SHCBP1L: variants seen among roughly 807,000 people sequenced by gnomAD.
The protein encoded by SHCBP1L is testicular spindle-associated protein SHCBP1L.
SHCBP1L carries 67 observed loss-of-function variants against 62.5 expected under a neutral mutation model. The ratio of observed to expected loss-of-function variants is 1.07; its 90% CI spans 0.88 to 1.31. The LOEUF is 1.31. SHCBP1L is among the 40% of genes most tolerant of loss of function. SHCBP1L has a pLI of 0.00. For missense variants in SHCBP1L, 823 were observed against 809.8 expected (o/e 1.02, Z -0.20); for synonymous variants, 284 against 289.4 (o/e 0.98, Z 0.19).
chr1:182,935,319 A>T (rs1249822449), intron 5 of SHCBP1L, among the ~76,000 whole-genome samples: 1 of 152,178 alleles, frequency 6.6e-6, no homozygotes, highest in Non-Finnish European at 1.5e-5. Context: ...AACATAAGAT[A>T]TCTCTCCATT....
In SHCBP1L at chr1:182,939,552, A is replaced by G; in HGVS notation, c.772T>C (p.Phe258Leu). 1 of 1,597,118 alleles carries G rather than the reference A, an allele frequency of 6.3e-7. No individual in the cohort carries two copies. Among genetic ancestry groups the G allele is most frequent in the Non-Finnish European group, 8.5e-7 (1 of 1,173,014 alleles). The part of the protein sequence containing the change: ...VIALALEVVR[F>L]FYDFLWRDWD... ...TCTCTCCAAAGAAAGTCATAAAAAAACCTACGATAAACCAAATTAAGATGA... is the reference window on the plus strand; with the variant it reads ...TCTCTCCAAAGAAAGTCATAAAAAAGCCTACGATAAACCAAATTAAGATGA... Residue 258 changes from phenylalanine (F) to leucine (L), a missense_variant and splice_region_variant, in exon 4 of 10, where the codon TTT becomes CTT. Transcript: ENST00000367547.
chr1:182,904,534 C>A, intron 7 of SHCBP1L, 104 bp from the exon 8 acceptor site: 77 of 598,676 alleles, frequency 1.3e-4, no homozygotes, highest in Non-Finnish European at 1.9e-4. Context: ...TCCCTGTGTG[C>A]GTGTGTGTGT....
At chr1:182,917,006 T>C (rs955459926) in intron 6 of SHCBP1L, among the ~76,000 whole-genome samples, 1 of 152,060 alleles carries the variant, frequency 6.6e-6, no homozygotes, top group South Asian at 2.1e-4. Flanking sequence ...AGTTTACCTA[T>C]GTAACAAATC....
At chr1:182,947,875 CTATGTTGCCCAGG>C (rs1204981023) in intron 2 of SHCBP1L, among the ~76,000 whole-genome samples, 1 of 152,146 alleles carries the variant, frequency 6.6e-6, no homozygotes, top group Admixed American at 6.5e-5. Context: ...TGAGGTCTTG[CTATGTTGCCCAGG>C]TTAGTCTCAA....
In SHCBP1L at chr1:182,951,475, G is replaced by C; in HGVS notation, c.406-8C>G. The C allele has an allele frequency of 3.9e-6, 6 of 1,534,498 alleles. No individual in the cohort carries two copies. Among genetic ancestry groups the C allele is most frequent in the Non-Finnish European group, 5.2e-6 (6 of 1,143,544 alleles). On this transcript the variant is annotated splice_polypyrimidine_tract_variant and splice_region_variant and intron_variant, in intron 1 of 9. Coordinates refer to ENST00000367547, the MANE Select transcript of SHCBP1L (RefSeq NM_030933.4). The stretch of plus-strand genomic sequence containing the variant: ...TTCATCAGCATCTTCTGCCTAACAA[G>C]AGAAAAAATGGATCTACATATAAAT...
At chr1:182,951,528 T>A in intron 1 of SHCBP1L, 61 bp from the exon 2 acceptor site, 1 of 1,140,538 alleles carries the variant, frequency 8.8e-7, no homozygotes, top group Non-Finnish European at 1.2e-6. Context: ...TTAAACTAAG[T>A]GGTTTTTTTT....
chr1:182,949,266 C>A (rs1651670488), intron 2 of SHCBP1L, among the ~76,000 whole-genome samples: 1 of 145,674 alleles, frequency 6.9e-6, no homozygotes, highest in African/African-American at 2.8e-5. Flanking sequence ...AAAAAAAACC[C>A]ACAAACTTAT....
At chr1:182,949,280 A>G (rs955476953) in intron 2 of SHCBP1L, among the ~76,000 whole-genome samples, 2 of 91,274 alleles carry the variant, frequency 2.2e-5, no homozygotes, top group Admixed American at 1.0e-4. Context: ...AACTTATACT[A>G]AAAAAAAAAA....
chr1:182,920,120 C>A (rs903589224), intron 6 of SHCBP1L, among the ~76,000 whole-genome samples: 1 of 152,226 alleles, frequency 6.6e-6, no homozygotes, highest in Admixed American at 6.5e-5. Context: ...TGCAGGAGCA[C>A]AGACCTGCTG....
intron 9 of SHCBP1L, among the ~76,000 whole-genome samples, chr1:182,902,028 G>C (rs1375833829): frequency 6.8e-6 from 1 of 147,238 alleles, no homozygotes; most frequent in Admixed American, 6.7e-5. Flanking sequence ...TTTACCATTT[G>C]TACCTTCTTT....
intron 6 of SHCBP1L, among the ~76,000 whole-genome samples, chr1:182,918,854 G>A (rs1485277586): frequency 1.3e-5 from 2 of 152,066 alleles, no homozygotes; most frequent in Admixed American, 1.3e-4. Flanking sequence ...CCCAATTATG[G>A]GCAAGTGATT....
chr1:182,936,591 C>T (rs1054773721), intron 5 of SHCBP1L, among the ~76,000 whole-genome samples: 6 of 152,150 alleles, frequency 3.9e-5, no homozygotes, highest in African/African-American at 1.4e-4. Context: ...TAACACTATA[C>T]TACTTCACAT....
intron 6 of SHCBP1L, 24 bp from the exon 7 acceptor site, chr1:182,905,673 G>A (rs193076206): frequency 6.2e-5 from 100 of 1,603,866 alleles, no homozygotes; most frequent in African/African-American, 2.3e-4. Flanking sequence ...AAACACTTGC[G>A]CTTTCAATAA....
chr1:182,913,740 G>C (rs1370122677), intron 6 of SHCBP1L, among the ~76,000 whole-genome samples: 1 of 152,190 alleles, frequency 6.6e-6, no homozygotes, highest in Non-Finnish European at 1.5e-5. Flanking sequence ...CCAGCACTTT[G>C]TGAGGCCAAG....
At chr1:182,943,980 G>C (rs1651464582) in intron 2 of SHCBP1L, among the ~76,000 whole-genome samples, 1 of 150,716 alleles carries the variant, frequency 6.6e-6, no homozygotes, top group South Asian at 2.1e-4. Context: ...AATTAGCCTG[G>C]AGTGGTGGTG....
At chr1:182,913,110 G>A (rs1650241104) in intron 6 of SHCBP1L, among the ~76,000 whole-genome samples, 1 of 152,002 alleles carries the variant, frequency 6.6e-6, no homozygotes, top group African/African-American at 2.4e-5. Flanking sequence ...ACTCCAGCCT[G>A]GGTGACATAG....
intron 5 of SHCBP1L, among the ~76,000 whole-genome samples, chr1:182,932,529 G>A (rs1651040344): frequency 6.6e-6 from 1 of 151,998 alleles, no homozygotes; most frequent in Admixed American, 6.6e-5. Flanking sequence ...TGCCAAGGCT[G>A]GAATGCAGTG....
chr1:182,942,427 C>T, intron 2 of SHCBP1L: 3 of 694,744 alleles, frequency 4.3e-6, no homozygotes, highest in Non-Finnish European at 8.0e-6. Context: ...GGGCGCGTGC[C>T]GGGTGCCTGC....
rs74129625 is a variant in SHCBP1L, at chr1:182,929,678, T to G, written c.1151A>C (p.His384Pro). 242 of 1,582,542 alleles carry G rather than the reference T, an allele frequency of 1.5e-4. No individual in the cohort carries two copies. The African/African-American group carries it at 3.0e-3, about 20-fold the overall frequency. Residue 384 changes from histidine to proline, a missense_variant, in exon 6 of 10, where the codon CAT becomes CCT. Coordinates refer to ENST00000367547, the MANE Select transcript of SHCBP1L (RefSeq NM_030933.4). ...GKREFGKTITHIVAKMMTTEM... is the reference protein window; with the variant it reads ...GKREFGKTITPIVAKMMTTEM... The stretch of plus-strand genomic sequence containing the variant: ...AGTAGTCATCATTTTTGCTACAATA[T>G]GTGTTATAGTCTTTCCAAATTCTCT...
Sources: allele counts gnomAD v4.1 joint callset (sites outside exome capture counted in the v4.1 genomes callset), GRCh38; gene constraint gnomAD v4.1.1; transcripts MANE v1.5; gene names NCBI Gene and HGNC (gene_info 2026-07-23, HGNC 2026-07-21).